ZCWPW2: variants seen among roughly 807,000 people sequenced by gnomAD.
The protein encoded by ZCWPW2 is zinc finger CW-type PWWP domain protein 2.
A neutral mutation model predicts 46.6 loss-of-function variants in ZCWPW2; 45 were observed. The ratio of observed to expected loss-of-function variants is 0.96; its 90% CI spans 0.76 to 1.24. ZCWPW2 has a LOEUF of 1.24. ZCWPW2 is among the 50% of genes most tolerant of loss of function. The pLI, the probability that ZCWPW2 is intolerant of heterozygous loss-of-function variation, is 0.00. For missense variants in ZCWPW2, 429 were observed against 403.9 expected (o/e 1.06, Z -0.53); for synonymous variants, 152 against 137.1 (o/e 1.11, Z -0.76).
chr3:28,434,201 C>T (rs1236245009), intron 3 of ZCWPW2, among the ~76,000 whole-genome samples: 2 of 152,062 alleles, frequency 1.3e-5, no homozygotes, highest in African/African-American at 2.4e-5. Flanking sequence ...AAATGAATAA[C>T]TTCTTAGGTG....
intron 4 of ZCWPW2, among the ~76,000 whole-genome samples, chr3:28,464,226 A>G (rs1288097118): frequency 6.6e-6 from 1 of 152,106 alleles, no homozygotes; most frequent in East Asian, 1.9e-4. Flanking sequence ...AGAAATCTAC[A>G]CACTGAAAAC....
chr3:28,372,245 A>G (rs1300193053), intron 1 of ZCWPW2, among the ~76,000 whole-genome samples: 2 of 152,176 alleles, frequency 1.3e-5, no homozygotes, highest in African/African-American at 4.8e-5. Flanking sequence ...GGATGTAGTT[A>G]GAGATTTATG....
intron 1 of ZCWPW2, among the ~76,000 whole-genome samples, chr3:28,362,455 G>A (rs912870893): frequency 8.6e-5 from 13 of 151,996 alleles, no homozygotes; most frequent in South Asian, 2.1e-4. Flanking sequence ...ACATACATGC[G>A]GCCAACAAGC....
At position 28,404,545 on chromosome 3, in the gene ZCWPW2, A is replaced by T. The variant is rs559833089; in HGVS notation, c.-13-8511A>T. ...CTGGCTCTCTACCCAGAGAGAAAAA[A>T]GTTATTATATGAAAAATGTACCTGC... On this transcript the variant is annotated intron_variant, in intron 2 of 9. Transcript: ENST00000383768. 2.6e-5 allele frequency among the ~76,000 whole-genome samples: 4 copies of T among 152,266 alleles called. 1 individual carries two copies. In the South Asian group the frequency reaches 8.3e-4, roughly 32 times the overall value.
At chr3:28,412,190 A>G (rs1014892275) in intron 2 of ZCWPW2, among the ~76,000 whole-genome samples, 1 of 151,784 alleles carries the variant, frequency 6.6e-6, no homozygotes, top group African/African-American at 2.4e-5. Flanking sequence ...TAAGTTGCCA[A>G]TAATTAGTTC....
At chr3:28,383,046 G>A (rs1695157143) in intron 1 of ZCWPW2, among the ~76,000 whole-genome samples, 1 of 152,070 alleles carries the variant, frequency 6.6e-6, no homozygotes, top group Non-Finnish European at 1.5e-5. Context: ...TATTAATCAG[G>A]GCAGACTTAG....
At chr3:28,362,747 T>A (rs1704990223) in intron 1 of ZCWPW2, among the ~76,000 whole-genome samples, 1 of 152,128 alleles carries the variant, frequency 6.6e-6, no homozygotes, top group South Asian at 2.1e-4. Flanking sequence ...AATTGTTGTA[T>A]TATAAAGACA....
chr3:28,366,808 C>G (rs1052269297), intron 1 of ZCWPW2, among the ~76,000 whole-genome samples: 17 of 152,272 alleles, frequency 1.1e-4, no homozygotes, highest in African/African-American at 3.6e-4. Context: ...TTAATTATTG[C>G]CTCAATTTCA....
intron 3 of ZCWPW2, among the ~76,000 whole-genome samples, chr3:28,426,026 T>C (rs1696993700): frequency 6.6e-6 from 1 of 152,068 alleles, no homozygotes; most frequent in South Asian, 2.1e-4. Context: ...GGAGAATTGC[T>C]TGAACCTGGG....
At chr3:28,515,761 A>C in intron 8 of ZCWPW2, 140 bp downstream of exon 8, 1 of 618,902 alleles carries the variant, frequency 1.6e-6, no homozygotes, top group Non-Finnish European at 2.7e-6. Context: ...ACATATATAC[A>C]TGTGCGTACA....
intron 1 of ZCWPW2, among the ~76,000 whole-genome samples, chr3:28,368,779 G>C (rs933420773): frequency 6.6e-6 from 1 of 152,152 alleles, no homozygotes; most frequent in Non-Finnish European, 1.5e-5. Context: ...CATTCTCCTT[G>C]TCACTTTCAG....
rs1191934714 is a variant in ZCWPW2 at position 28,508,611 on chromosome 3, G to A, written c.658-5453G>A. Among the ~76,000 whole-genome samples, 3 of 152,022 alleles carry A rather than the reference G, an allele frequency of 2.0e-5. 1 individual carries two copies. The highest frequency in any genetic ancestry group is 4.1e-4 in the South Asian group (2 of 4,830). On this transcript the variant is annotated intron_variant, in intron 6 of 9. Coordinates refer to ENST00000383768, the MANE Select transcript of ZCWPW2 (RefSeq NM_001040432.4). ...TGGCTCACTGTAACCTACACCTCCCGGGTTCAAGCAATTCTCGTGCTTCAG... is the reference window on the plus strand; with the variant it reads ...TGGCTCACTGTAACCTACACCTCCCAGGTTCAAGCAATTCTCGTGCTTCAG...
chr3:28,520,853 T>G, intron 8 of ZCWPW2, 139 bp from the exon 9 acceptor site: 2 of 961,386 alleles, frequency 2.1e-6, no homozygotes, highest in Non-Finnish European at 3.0e-6. Context: ...GAAGAAGTCA[T>G]GTATGAAAAT....
chr3:28,409,602 G>C (rs1559493164), intron 2 of ZCWPW2, among the ~76,000 whole-genome samples: 1 of 152,082 alleles, frequency 6.6e-6, no homozygotes, highest in Non-Finnish European at 1.5e-5. Flanking sequence ...TGAGATAAAG[G>C]CACAAAGGTC....
rs754896953 is a variant in ZCWPW2 at position 28,478,795 on chromosome 3, T to G, written c.493-19T>G. The stretch of plus-strand genomic sequence containing the variant: ...TATATTTAAAAATGAATTTTTTTCT[T>G]TTTTCTGTATTTATATAGCCAGAAA... On this transcript the variant is annotated intron_variant, in intron 4 of 9. Coordinates refer to ENST00000383768, the MANE Select transcript of ZCWPW2 (RefSeq NM_001040432.4). 1 of 1,373,440 alleles carries G rather than the reference T, an allele frequency of 7.3e-7. No homozygotes were observed. Among genetic ancestry groups the G allele is most frequent in the Non-Finnish European group, 9.7e-7 (1 of 1,029,748 alleles). 85.1% of individuals were successfully genotyped at this position (1,373,440 alleles called of 1,614,324 possible).
chr3:28,362,198 G>T (rs1270645529), intron 1 of ZCWPW2, among the ~76,000 whole-genome samples: 2 of 152,108 alleles, frequency 1.3e-5, no homozygotes, highest in South Asian at 4.1e-4. Context: ...CCTTAAAAAA[G>T]TTTAGTTATA....
intron 4 of ZCWPW2, among the ~76,000 whole-genome samples, chr3:28,472,207 A>C (rs1455389951): frequency 6.6e-6 from 1 of 152,190 alleles, no homozygotes; most frequent in East Asian, 1.9e-4. Context: ...CATCCTTCAC[A>C]GAAATAGAAA....
chr3:28,460,831 C>T, intron 4 of ZCWPW2: 1 of 163,486 alleles, frequency 6.1e-6, no homozygotes, highest in South Asian at 1.5e-4. Flanking sequence ...GAGTCAGCTA[C>T]ACTGCAACTT....
At chr3:28,433,247 C>T (rs564210317) in intron 3 of ZCWPW2, among the ~76,000 whole-genome samples, 38 of 152,222 alleles carry the variant, frequency 2.5e-4, no homozygotes, top group African/African-American at 8.7e-4. Flanking sequence ...GCTAATTATT[C>T]TTAAGTCCTT....
Sources: allele counts gnomAD v4.1 joint callset (sites outside exome capture counted in the v4.1 genomes callset), GRCh38; gene constraint gnomAD v4.1.1; transcripts MANE v1.5; gene names NCBI Gene and HGNC (gene_info 2026-07-23, HGNC 2026-07-21).